Variants in MGAT4C observed in about 807,000 individuals in gnomAD.
The protein encoded by MGAT4C is MGAT4 family member C.
A neutral mutation model predicts 40.1 loss-of-function variants in MGAT4C; 19 were observed. That is an observed-to-expected ratio of 0.47 (90% CI 0.33 to 0.70). The LOEUF is 0.70. MGAT4C is among the 30% of genes least tolerant of loss of function. MGAT4C has a pLI of 0.02. For missense variants in MGAT4C, 491 were observed against 563.2 expected (o/e 0.87, Z 1.30); for synonymous variants, 181 against 187.1 (o/e 0.97, Z 0.27).
chr12:86,711,950 G>T (rs774946189), intron 2 of MGAT4C, among the ~76,000 whole-genome samples: 19 of 152,218 alleles, frequency 1.2e-4, no homozygotes, highest in Non-Finnish European at 2.5e-4. Flanking sequence ...CACAAAATCT[G>T]TCCTGCCCTG....
chr12:86,704,021 G>C (rs1188259650), intron 2 of MGAT4C, among the ~76,000 whole-genome samples: 1 of 151,950 alleles, frequency 6.6e-6, no homozygotes, highest in Non-Finnish European at 1.5e-5. Flanking sequence ...AAGTAACCAA[G>C]GACAGTATGA....
chr12:86,279,009 T>C (rs1388600248), intron 4 of MGAT4C, among the ~76,000 whole-genome samples: 5 of 152,252 alleles, frequency 3.3e-5, no homozygotes, highest in Non-Finnish European at 5.9e-5. Flanking sequence ...CATGTGATCA[T>C]AAGGAATGAT....
intron 1 of MGAT4C, among the ~76,000 whole-genome samples, chr12:86,115,400 T>C (rs925513250): frequency 6.6e-6 from 1 of 151,914 alleles, no homozygotes; most frequent in East Asian, 1.9e-4. Context: ...AATTTAATGA[T>C]ACAATACTAA....
rs1386169926 is a variant in MGAT4C at position 86,200,181 on chromosome 12, TG to T, written c.-57+56057del. 2.6e-3 allele frequency among the ~76,000 whole-genome samples: 398 copies of T among 150,986 alleles called. 2 individuals carry two copies. The highest frequency in any genetic ancestry group is 5.9e-3 in the Admixed American group (89 of 15,124). On this transcript the variant is annotated intron_variant, in intron 1 of 4. Coordinates refer to ENST00000611864, the MANE Select transcript of MGAT4C (RefSeq NM_001351288.2). ...TTTTGTTTTTTTTTGGTCTGGCTTT[TG>T]TTTTTTTTTGAGATAGAGTCTTGAT...
intron 2 of MGAT4C, among the ~76,000 whole-genome samples, chr12:86,041,572 G>A (rs145011397): frequency 2.2e-4 from 34 of 152,024 alleles, no homozygotes; most frequent in Admixed American, 3.9e-4. Context: ...TAATCTCATC[G>A]TTTACCCACA....
At chr12:86,107,955 C>T (rs1252643006) in intron 1 of MGAT4C, among the ~76,000 whole-genome samples, 1 of 151,944 alleles carries the variant, frequency 6.6e-6, no homozygotes, top group Non-Finnish European at 1.5e-5. Flanking sequence ...TAGGGCAAAC[C>T]AACATGAAGT....
chr12:86,697,988 C>A (rs1007369156), intron 2 of MGAT4C, among the ~76,000 whole-genome samples: 7 of 151,740 alleles, frequency 4.6e-5, no homozygotes, highest in Non-Finnish European at 1.0e-4. Flanking sequence ...TTATATTTAC[C>A]CAATCAGTAC....
At chr12:86,055,552 C>A (rs537110157) in intron 1 of MGAT4C, among the ~76,000 whole-genome samples, 1 of 152,110 alleles carries the variant, frequency 6.6e-6, no homozygotes, top group South Asian at 2.1e-4. Flanking sequence ...AACACTATCC[C>A]TGTCTATAAG....
rs141807967 is a variant in MGAT4C at position 86,623,313 on chromosome 12, C to T, written c.-229+103896G>A. Among the ~76,000 whole-genome samples the T allele has an allele frequency of 2.2e-3, 339 of 152,188 alleles. 3 individuals carry two copies. Among genetic ancestry groups the T allele is most frequent in the African/African-American group, 7.7e-3 (322 of 41,560 alleles). On this transcript the variant is annotated intron_variant, in intron 2 of 7. Coordinates refer to the MGAT4C transcript ENST00000548651. ...GCAATGTCTTTGTTTAGGAAAATTACTAGAATTTCCTACATTTTCTAAGAT... is the reference window on the plus strand; with the variant it reads ...GCAATGTCTTTGTTTAGGAAAATTATTAGAATTTCCTACATTTTCTAAGAT...
intron 1 of MGAT4C, among the ~76,000 whole-genome samples, chr12:86,136,533 G>A (rs534708712): frequency 2.2e-4 from 33 of 152,196 alleles, no homozygotes; most frequent in Middle Eastern, 3.4e-3. Flanking sequence ...TCACGAAGAC[G>A]TTATGCAATG....
chr12:86,764,262 T>C (rs1209826086), intron 1 of MGAT4C, among the ~76,000 whole-genome samples: 1 of 152,102 alleles, frequency 6.6e-6, no homozygotes, highest in Non-Finnish European at 1.5e-5. Context: ...CGCTGATTGC[T>C]AGCACAGCAG....
intron 1 of MGAT4C, among the ~76,000 whole-genome samples, chr12:86,171,622 C>T (rs1886858360): frequency 6.6e-6 from 1 of 152,116 alleles, no homozygotes; most frequent in South Asian, 2.1e-4. Flanking sequence ...ATTGATATTG[C>T]AGCGGGGTTT....
intron 2 of MGAT4C, among the ~76,000 whole-genome samples, chr12:86,630,589 T>C (rs1002564583): frequency 6.6e-6 from 1 of 151,976 alleles, no homozygotes; most frequent in Non-Finnish European, 1.5e-5. Context: ...GATGCAAGGC[T>C]GGTTCAACAT....
At chr12:86,774,311 C>CTTTCTTTCT (rs1555227752) in intron 1 of MGAT4C, among the ~76,000 whole-genome samples, 2 of 40,088 alleles carry the variant, frequency 5.0e-5, no homozygotes, top group African/African-American at 1.3e-4. Flanking sequence ...TTCTTTCTTT[C>CTTTCTTTCT]TTTCTTTCTT....
intron 1 of MGAT4C, among the ~76,000 whole-genome samples, chr12:86,728,247 T>TAAG (rs899401093): frequency 4.6e-5 from 7 of 152,164 alleles, no homozygotes; most frequent in African/African-American, 1.7e-4. Context: ...AGTCAAGAAG[T>TAAG]AAGAAAATTA....
At chr12:86,307,869 A>C (rs1355705690) in intron 4 of MGAT4C, among the ~76,000 whole-genome samples, 2 of 149,768 alleles carry the variant, frequency 1.3e-5, no homozygotes, top group Admixed American at 6.6e-5. Context: ...CGTCCGGCTA[A>C]ATTTTTTGTA....
At chr12:86,040,433 G>A (rs901748133) in intron 2 of MGAT4C, among the ~76,000 whole-genome samples, 1 of 152,202 alleles carries the variant, frequency 6.6e-6, no homozygotes, top group Admixed American at 6.5e-5. Flanking sequence ...GCCCTGCCCA[G>A]AGAGGAGGGA....
intron 1 of MGAT4C, among the ~76,000 whole-genome samples, chr12:86,181,918 G>A (rs1224140151): frequency 6.6e-6 from 1 of 151,762 alleles, no homozygotes; most frequent in Non-Finnish European, 1.5e-5. Flanking sequence ...TTTTATATCA[G>A]TTATATTCTC....
intron 3 of MGAT4C, among the ~76,000 whole-genome samples, chr12:86,382,608 C>G (rs75987359): frequency 2.6e-5 from 4 of 152,098 alleles, no homozygotes; most frequent in Non-Finnish European, 4.4e-5. Context: ...CAATGGCAGC[C>G]CCTCCCTTCA....
Sources: gnomAD v4.1 joint callset for allele counts (sites outside exome capture counted in the v4.1 genomes callset) on GRCh38, gnomAD v4.1.1 for gene constraint, MANE v1.5 for transcripts, NCBI Gene and HGNC (gene_info 2026-07-23, HGNC 2026-07-21) for gene names.